The following LAMP2 variants were observed in gnomAD, a reference collection of about 807,000 sequenced individuals.
The protein encoded by LAMP2 is lysosome associated membrane protein 2, also known as lysosome-associated membrane glycoprotein 2.
LAMP2 carries 4 observed loss-of-function variants against 25.6 expected under a neutral mutation model. The observed-to-expected ratio is 0.16, with a 90% CI of 0.08 to 0.36. LAMP2 has a LOEUF of 0.36. Among genes scored for constraint, LAMP2 ranks in the 10% least tolerant of loss-of-function variants. LAMP2 has a pLI of 1.00. For missense variants in LAMP2, 272 were observed against 301.4 expected (o/e 0.90, Z 0.72); for synonymous variants, 108 against 112.7 (o/e 0.96, Z 0.27).
chrX:120,448,865 A>G, intron 4 of LAMP2, 105 bp downstream of exon 4: 1 of 712,377 alleles, frequency 1.4e-6, no homozygotes, highest in Non-Finnish European at 2.2e-6. Context: ...GCTATGAATA[A>G]ACCTTAATAT....
chrX:120,437,426 A>C lies in LAMP2; in HGVS notation c.1093+4304T>G, dbSNP rs1602529676. On this transcript the variant is annotated intron_variant, in intron 8 of 8. Transcript: ENST00000200639. Reference sequence around the variant, plus strand: ...TAATCCCACCACAAAAAAAAAAAAAACACGAAAAAACAACCCCACAGGAAC... The same window carrying C: ...TAATCCCACCACAAAAAAAAAAAAACCACGAAAAAACAACCCCACAGGAAC... 9.5e-6 allele frequency: 7 copies of C among 733,720 alleles called. No homozygotes were observed. The South Asian group carries it at 2.1e-4, about 22-fold the overall frequency. 60.5% of individuals were successfully genotyped at this position (733,720 alleles called of 1,213,427 possible). A position where few individuals can be genotyped will look rare whatever the true frequency, so the allele number is the denominator to read the frequency against.
intron 3 of LAMP2, among the ~76,000 whole-genome samples, chrX:120,452,400 C>T (rs760134726): frequency 3.8e-4 from 42 of 111,686 alleles, no homozygotes; most frequent in Non-Finnish European, 7.5e-4. Context: ...TCAAATTCTA[C>T]CATTAGCTGA....
At chrX:120,445,809 T>C (rs751058040) in intron 6 of LAMP2, among the ~76,000 whole-genome samples, 15 of 112,419 alleles carry the variant, frequency 1.3e-4, no homozygotes, top group Middle Eastern at 4.6e-3. Flanking sequence ...CCTGATTTAA[T>C]GAATTCATAT....
In LAMP2 at chrX:120,428,190, G is replaced by A; in HGVS notation, c.*3133C>T. Reference sequence around the variant, plus strand: ...CTGTAACATATAAAATTACACATCAGCAAAAATGCTTTCATAATTGGATCC... The same window carrying A: ...CTGTAACATATAAAATTACACATCAACAAAAATGCTTTCATAATTGGATCC... On this transcript the variant is annotated 3_prime_UTR_variant, in exon 9 of 9. Transcript: ENST00000200639. The A allele has an allele frequency of 5.5e-6, 1 of 182,629 alleles. No homozygotes were observed. Among genetic ancestry groups the A allele is most frequent in the East Asian group, 1.0e-4 (1 of 9,591 alleles). The allele number at this position is 182,629 out of a possible 1,213,427, so 15.1% of individuals were successfully genotyped here. A position where few individuals can be genotyped will look rare whatever the true frequency, so the allele number is the denominator to read the frequency against.
At chrX:120,439,173 G>A (rs2058560269) in intron 8 of LAMP2, 2 of 1,208,602 alleles carry the variant, frequency 1.7e-6, no homozygotes, top group Non-Finnish European at 2.2e-6. Context: ...CTGATATCCA[G>A]CATAACTTTT....
Position 120,428,786 on chromosome X carries a change from T to C in LAMP2, c.*2537A>G, listed in dbSNP as rs187346492. 1,359 of 751,488 alleles carry C rather than the reference T, an allele frequency of 1.8e-3. 3 individuals carry two copies. Among genetic ancestry groups the C allele is most frequent in the Non-Finnish European group, 2.0e-3 (1,284 of 638,269 alleles). The allele number at this position is 751,488 out of a possible 1,213,427, so 61.9% of individuals were successfully genotyped here. A position where few individuals can be genotyped will look rare whatever the true frequency, so the allele number is the denominator to read the frequency against. On this transcript the variant is annotated 3_prime_UTR_variant, in exon 9 of 9. Coordinates refer to ENST00000200639, the MANE Select transcript of LAMP2 (RefSeq NM_002294.3). ...TTTGCTCAATATCTCATTATCACTT[T>C]ATCTAAAATCACACGAAATTCCTCA...
intron 6 of LAMP2, among the ~76,000 whole-genome samples, chrX:120,445,683 C>T (rs1295544383): frequency 8.9e-6 from 1 of 111,935 alleles, no homozygotes; most frequent in Non-Finnish European, 1.9e-5. Context: ...TAAAGATCCC[C>T]GATGATTAAT....
At chrX:120,436,315 C>T (rs770048303) in intron 8 of LAMP2, among the ~76,000 whole-genome samples, 2 of 111,429 alleles carry the variant, frequency 1.8e-5, no homozygotes, top group East Asian at 2.8e-4. Flanking sequence ...TAGCATCAAT[C>T]GAGGCCTATG....
At chrX:120,437,296 T>A in intron 8 of LAMP2, 1 of 722,330 alleles carries the variant, frequency 1.4e-6, no homozygotes, top group Non-Finnish European at 1.6e-6. Flanking sequence ...TGCCTATATA[T>A]GTGTGCATAT....
intron 8 of LAMP2, chrX:120,439,074 A>G (rs1002542211): frequency 8.3e-7 from 1 of 1,202,083 alleles, no homozygotes; most frequent in Non-Finnish European, 1.1e-6. Flanking sequence ...AACTAAATAT[A>G]CCTTAAGTTG....
intron 3 of LAMP2, among the ~76,000 whole-genome samples, chrX:120,452,713 CTTTTTTTT>C (rs768340777): frequency 1.5e-5 from 1 of 67,694 alleles, no homozygotes; most frequent in African/African-American, 6.7e-5. Flanking sequence ...CCACACCTGG[CTTTTTTTT>C]TTTTTTTTTT....
intron 4 of LAMP2, among the ~76,000 whole-genome samples, chrX:120,448,640 ATT>A: frequency 8.9e-6 from 1 of 112,536 alleles, no homozygotes; most frequent in East Asian, 2.8e-4. Flanking sequence ...TATGAATCTG[ATT>A]TCTAAGCTTT....
rs375999498 is a variant in LAMP2 at position 120,437,849 on chromosome X, GTTTGT to G, written c.1093+3876_1093+3880del. ...GGTTAGATGCAAGTTTTGTTTGTTT[GTTTGT>G]TTTGTTTTGTTTTGTTTTGAGATGG... is the stretch of plus-strand genomic sequence containing the variant. On this transcript the variant is annotated intron_variant, in intron 8 of 8. Coordinates refer to ENST00000200639, the MANE Select transcript of LAMP2 (RefSeq NM_002294.3). 1.0e-3 allele frequency: 757 copies of G among 732,633 alleles called. 1 individual carries two copies. The highest frequency in any genetic ancestry group is 1.6e-3 in the Middle Eastern group (2 of 1,282). 60.4% of individuals were successfully genotyped at this position (732,633 alleles called of 1,213,427 possible).
intron 8 of LAMP2, chrX:120,439,314 GT>G (rs1230573329): frequency 8.5e-7 from 1 of 1,180,188 alleles, no homozygotes; most frequent in Non-Finnish European, 1.2e-6. Context: ...GAAAAAGTGT[GT>G]AATAAATAAT....
At chrX:120,469,323 A>T (rs999307628), upstream of LAMP2, 6 of 520,684 alleles carry the variant, frequency 1.2e-5, no homozygotes, top group East Asian at 2.2e-4. Flanking sequence ...AGTGCGAGTC[A>T]TAAGACTAGG....
chrX:120,449,459 A>AT (rs1351533167), intron 3 of LAMP2, among the ~76,000 whole-genome samples: 15 of 112,005 alleles, frequency 1.3e-4, no homozygotes, highest in Admixed American at 3.8e-4. Context: ...TACTAAAAAG[A>AT]TAATAATTAG....
At position 120,428,724 on chromosome X, in the gene LAMP2, T is replaced by C. The variant is rs2058508712; in HGVS notation, c.*2599A>G. On this transcript the variant is annotated 3_prime_UTR_variant, in exon 9 of 9. Transcript: ENST00000200639. Reference sequence around the variant, plus strand: ...GAAACATGCATTTTGAAAGTGTACATAGCTTAGTTTTTTATAGCATTACCT... The same window carrying C: ...GAAACATGCATTTTGAAAGTGTACACAGCTTAGTTTTTTATAGCATTACCT... 8.4e-6 allele frequency: 9 copies of C among 1,071,723 alleles called. No homozygotes were observed. In the South Asian group the frequency reaches 2.4e-4, roughly 28 times the overall value. 88.3% of individuals were successfully genotyped at this position (1,071,723 alleles called of 1,213,427 possible).
At chrX:120,463,550 G>C (rs1387285709) in intron 1 of LAMP2, among the ~76,000 whole-genome samples, 1 of 111,571 alleles carries the variant, frequency 9.0e-6, no homozygotes, top group Non-Finnish European at 1.9e-5. Flanking sequence ...AAGAAATTAT[G>C]ATCAGAATAC....
chrX:120,455,255 C>T, intron 3 of LAMP2, 102 bp downstream of exon 3: 1 of 691,271 alleles, frequency 1.4e-6, no homozygotes, highest in South Asian at 2.3e-5. Flanking sequence ...AGTTTCCATG[C>T]TAGTTAGGAA....
Sources: allele counts gnomAD v4.1 joint callset (sites outside exome capture counted in the v4.1 genomes callset), GRCh38; gene constraint gnomAD v4.1.1; transcripts MANE v1.5; gene names NCBI Gene and HGNC (gene_info 2026-07-23, HGNC 2026-07-21).